IPMK: variants seen among roughly 807,000 people sequenced by gnomAD.
The protein encoded by IPMK is inositol polyphosphate multikinase.
IPMK carries 17 observed loss-of-function variants against 45.8 expected under a neutral mutation model. The ratio of observed to expected loss-of-function variants is 0.37; its 90% CI spans 0.25 to 0.56. The LOEUF is 0.56. Ranked by LOEUF, IPMK falls within the 20% of genes least tolerant of loss-of-function variation. The probability of loss-of-function intolerance (pLI) is 0.79; values close to 1 mark genes in which losing one functional copy is unlikely to be tolerated. For synonymous variants in IPMK, 180 were observed against 184.3 expected (o/e 0.98, Z 0.19); for missense variants, 399 against 498.0 (o/e 0.80, Z 1.89).
chr10:58,202,043 C>A (rs1461905813), intron 4 of IPMK, among the ~76,000 whole-genome samples: 1 of 152,160 alleles, frequency 6.6e-6, no homozygotes, highest in Non-Finnish European at 1.5e-5. Flanking sequence ...GGTTCATAGA[C>A]CCTAGCAGAA....
intron 1 of IPMK, among the ~76,000 whole-genome samples, chr10:58,251,465 T>G (rs1271497681): frequency 7.2e-6 from 1 of 139,144 alleles, no homozygotes; most frequent in South Asian, 2.2e-4. Flanking sequence ...TGCAACTGTT[T>G]ACTGCAATAT....
In IPMK at chr10:58,216,221, G is replaced by A. The variant is rs761770940; in HGVS notation, c.470C>T (p.Ser157Leu). 2.5e-6 allele frequency: 4 copies of A among 1,611,826 alleles called. No homozygotes were observed. The highest frequency in any genetic ancestry group is 3.3e-5 in the Admixed American group (2 of 59,796). ...IGQKSYDPFA[S>L]SEKIQQQVSK... ...GACCTGTTGCTGAATCTTCTCAGAT[G>A]AGGCAAAAGGATCATAGCTTTTTTG... The change falls in exon 4 of 6, where the codon TCA (serine) becomes TTA (leucine). Residue 157 changes from serine (S) to leucine (L), a missense_variant. Around this residue, in one of 2 missense-constraint regions of IPMK, gnomAD observed 288 missense variants for 398.0 expected, o/e 0.72. Transcript: ENST00000373935.
intron 1 of IPMK, among the ~76,000 whole-genome samples, chr10:58,243,000 A>T (rs1838719068): frequency 6.6e-6 from 1 of 152,110 alleles, no homozygotes; most frequent in Non-Finnish European, 1.5e-5. Flanking sequence ...CCATGATTGA[A>T]AATTTCCTGA....
Position 58,227,057 on chromosome 10 carries a change from G to A in IPMK, c.359C>T (p.Pro120Leu). 1 of 1,608,514 alleles carries A rather than the reference G, an allele frequency of 6.2e-7. No individual in the cohort carries two copies. The highest frequency in any genetic ancestry group is 1.1e-5 in the South Asian group (1 of 90,920). The change falls in exon 3 of 6, where the codon CCC becomes CTC. Residue 120 changes from proline to leucine, a missense_variant. Coordinates refer to ENST00000373935, the MANE Select transcript of IPMK (RefSeq NM_152230.5). Reference protein sequence around the residue: ...LPKYYGIWSPPTAPNDLYLKL... With the variant: ...LPKYYGIWSPLTAPNDLYLKL... The stretch of plus-strand genomic sequence containing the variant: ...GACAAGATTACCGTTTGGTGCAGTG[G>A]GAGGTGACCAGATGCCATAATATTT...
chr10:58,199,973 A>G (rs990393607), intron 4 of IPMK, among the ~76,000 whole-genome samples: 7 of 152,228 alleles, frequency 4.6e-5, no homozygotes, highest in African/African-American at 9.6e-5. Flanking sequence ...AATAAGCTAG[A>G]TAAGTAAAAG....
intron 4 of IPMK, among the ~76,000 whole-genome samples, chr10:58,210,566 T>A (rs1838143068): frequency 6.6e-6 from 1 of 152,166 alleles, no homozygotes. Context: ...TTCCCTGAGA[T>A]CCCATGTGAA....
Position 58,267,508 on chromosome 10 carries a change from G to C in IPMK, c.104C>G (p.Pro35Arg). The change falls in exon 1 of 6, where the codon CCG becomes CGG. Residue 35 changes from proline to arginine, a missense_variant. Pro to Arg is a moderately radical substitution (Grantham distance 103). Coordinates refer to ENST00000373935, the MANE Select transcript of IPMK (RefSeq NM_152230.5). ...GAGGAAGCGGAGTCTGCCGCCCGCC[G>C]GCTGCGGGGTGCCCTCAGGGGTGGA... ...IESTPEGTPQ[P>R]AGGRLRFLNG... 6.2e-7 allele frequency: 1 copy of C among 1,613,420 alleles called. No individual in the cohort carries two copies. Among genetic ancestry groups the C allele is most frequent in the Non-Finnish European group, 8.5e-7 (1 of 1,179,826 alleles).
chr10:58,207,860 A>G (rs1838093430), intron 4 of IPMK, among the ~76,000 whole-genome samples: 1 of 152,168 alleles, frequency 6.6e-6, no homozygotes, highest in Non-Finnish European at 1.5e-5. Context: ...TAAGTTTTCC[A>G]AACTTTTAGA....
At chr10:58,201,392 G>GTT (rs1442591107) in intron 4 of IPMK, among the ~76,000 whole-genome samples, 4 of 152,102 alleles carry the variant, frequency 2.6e-5, no homozygotes, top group African/African-American at 9.7e-5. Flanking sequence ...TCAAACTTAA[G>GTT]TATCTGTTAC....
At chr10:58,236,661 T>C (rs537289596) in intron 2 of IPMK, among the ~76,000 whole-genome samples, 46 of 152,198 alleles carry the variant, frequency 3.0e-4, no homozygotes, top group African/African-American at 1.0e-3. Context: ...TCACAGAACT[T>C]TGGGAGGCAG....
intron 1 of IPMK, among the ~76,000 whole-genome samples, chr10:58,263,506 A>G (rs1839104565): frequency 6.7e-6 from 1 of 148,224 alleles, no homozygotes; most frequent in Non-Finnish European, 1.5e-5. Flanking sequence ...CCTGGGCAAC[A>G]GAGCAAGACT....
chr10:58,255,772 CA>C (rs1160764909), intron 1 of IPMK, among the ~76,000 whole-genome samples: 1 of 152,008 alleles, frequency 6.6e-6, no homozygotes, highest in Non-Finnish European at 1.5e-5. Context: ...TCCGGGAAGT[CA>C]GAGACCCCGA....
chr10:58,208,905 T>G (rs542394689), intron 4 of IPMK, among the ~76,000 whole-genome samples: 23 of 152,338 alleles, frequency 1.5e-4, no homozygotes, highest in African/African-American at 5.1e-4. Flanking sequence ...TGAGGGTAGC[T>G]GGGGTGGCTC....
chr10:58,207,794 T>C (rs1040059149), intron 4 of IPMK, among the ~76,000 whole-genome samples: 1 of 152,194 alleles, frequency 6.6e-6, no homozygotes, highest in African/African-American at 2.4e-5. Flanking sequence ...TTTCTTGTAA[T>C]TGATGTCTAG....
At chr10:58,253,750 AG>A (rs1265432180) in intron 1 of IPMK, among the ~76,000 whole-genome samples, 15,571 of 98,804 alleles carry the variant, frequency 0.16, 1,525 homozygotes, top group African/African-American at 0.41. Context: ...AAAAAAAAAA[AG>A]AAAAAAAAAG....
chr10:58,196,967 T>C (rs1837904451), intron 5 of IPMK, among the ~76,000 whole-genome samples: 1 of 152,172 alleles, frequency 6.6e-6, no homozygotes, highest in Non-Finnish European at 1.5e-5. Flanking sequence ...TTATTACAGG[T>C]AGACTGGTAG....
At chr10:58,207,157 C>A (rs1157798545) in intron 4 of IPMK, among the ~76,000 whole-genome samples, 1 of 152,156 alleles carries the variant, frequency 6.6e-6, no homozygotes, top group African/African-American at 2.4e-5. Flanking sequence ...CACCCACCAC[C>A]AAGCCTGGCT....
intron 4 of IPMK, among the ~76,000 whole-genome samples, chr10:58,199,852 C>T (rs745371529): frequency 3.3e-5 from 5 of 152,006 alleles, no homozygotes; most frequent in Non-Finnish European, 5.9e-5. Context: ...TATGACACGG[C>T]ATTTGAATAC....
intron 4 of IPMK, among the ~76,000 whole-genome samples, chr10:58,206,663 A>G (rs1386406157): frequency 6.6e-6 from 1 of 152,132 alleles, no homozygotes; most frequent in Non-Finnish European, 1.5e-5. Context: ...TTTGGGGAAT[A>G]GGTGGTTTTT....
Sources: gnomAD v4.1 joint callset for allele counts (sites outside exome capture counted in the v4.1 genomes callset) on GRCh38, gnomAD v4.1.1 for gene constraint, gnomAD v4.1.1 regional missense constraint, MANE v1.5 for transcripts, NCBI Gene and HGNC (gene_info 2026-07-23, HGNC 2026-07-21) for gene names.